Variants in DHX15 observed in about 807,000 individuals in gnomAD.
DHX15 encodes the protein ATP-dependent RNA helicase DHX15.
In DHX15, 11 loss-of-function variants were observed where a neutral mutation model predicts 94.4. That is an observed-to-expected ratio of 0.12 (90% CI 0.07 to 0.19). The LOEUF (loss-of-function observed/expected upper bound fraction) is 0.19. DHX15 is among the 10% of genes least tolerant of loss of function. The pLI, the probability that DHX15 is intolerant of heterozygous loss-of-function variation, is 1.00. For missense variants in DHX15, 304 were observed against 988.5 expected, an observed-to-expected ratio of 0.31 and a Z score of 9.29; for synonymous variants, 338 against 329.9, an observed-to-expected ratio of 1.02 and a Z score of -0.27.
At chr4:24,578,109 G>C (rs1016296444) in intron 1 of DHX15, among the ~76,000 whole-genome samples, 1 of 152,144 alleles carries the variant, frequency 6.6e-6, no homozygotes, top group African/African-American at 2.4e-5. Flanking sequence ...AAAAATCACA[G>C]AGCATACAAG....
chr4:24,552,682 T>C (rs892221738), intron 5 of DHX15, among the ~76,000 whole-genome samples: 4 of 152,188 alleles, frequency 2.6e-5, no homozygotes, highest in African/African-American at 9.7e-5. Flanking sequence ...ATACAACAAA[T>C]GAAATGTAAA....
At chr4:24,560,131 C>T (rs750883681) in intron 3 of DHX15, among the ~76,000 whole-genome samples, 2 of 152,072 alleles carry the variant, frequency 1.3e-5, no homozygotes, top group South Asian at 2.1e-4. Flanking sequence ...AGCAAGATGA[C>T]GACACCTAAC....
At chr4:24,584,041 C>G (rs1177411875) in intron 1 of DHX15, 2 of 478,434 alleles carry the variant, frequency 4.2e-6, no homozygotes, top group Non-Finnish European at 7.3e-6. Context: ...GCAAATGACT[C>G]CCGCTCGGTT....
At chr4:24,546,718 T>C (rs1472572511) in intron 6 of DHX15, among the ~76,000 whole-genome samples, 1 of 152,182 alleles carries the variant, frequency 6.6e-6, no homozygotes, top group Non-Finnish European at 1.5e-5. Context: ...AAATCTATTT[T>C]TCATAAACTA....
chr4:24,531,560 A>G (rs574058671), intron 12 of DHX15, among the ~76,000 whole-genome samples: 2 of 152,136 alleles, frequency 1.3e-5, no homozygotes, highest in Non-Finnish European at 2.9e-5. Flanking sequence ...ACACACAAAA[A>G]GGCAAAAATT....
At chr4:24,541,490 T>C (rs1721311005) in intron 8 of DHX15, among the ~76,000 whole-genome samples, 2 of 152,086 alleles carry the variant, frequency 1.3e-5, no homozygotes, top group Non-Finnish European at 2.9e-5. Flanking sequence ...GTGCTTCCTT[T>C]AAGTGAAACG....
intron 3 of DHX15, among the ~76,000 whole-genome samples, chr4:24,565,975 C>T (rs771031748): frequency 6.6e-6 from 1 of 151,980 alleles, no homozygotes; most frequent in Non-Finnish European, 1.5e-5. Context: ...GCTAGGACAA[C>T]TCAGACACTG....
At position 24,530,106 on chromosome 4, in the gene DHX15, G is replaced by C. The variant is rs1037219334; in HGVS notation, c.2101-336C>G. 46 of 365,516 alleles carry C rather than the reference G, an allele frequency of 1.3e-4. 1 individual carries two copies. Among genetic ancestry groups the C allele is most frequent in the African/African-American group, 6.8e-4 (32 of 47,040 alleles). The allele number at this position is 365,516 out of a possible 1,614,324, so 22.6% of individuals were successfully genotyped here. ...TAAGGAAAGTTTTATTAGAACACAG[G>C]CATGCCCATTTGTCTATACCTATTA... On this transcript the variant is annotated intron_variant, in intron 12 of 13. Transcript: ENST00000336812.
chr4:24,554,163 AG>A (rs1169301998), intron 5 of DHX15, among the ~76,000 whole-genome samples: 1 of 152,188 alleles, frequency 6.6e-6, no homozygotes, highest in Non-Finnish European at 1.5e-5. Flanking sequence ...GCTTGCGGTG[AG>A]CCAAGACTGC....
chr4:24,536,913 G>T, intron 11 of DHX15, 138 bp downstream of exon 11: 7 of 976,364 alleles, frequency 7.2e-6, no homozygotes, highest in Admixed American at 3.4e-5. Flanking sequence ...TTAAATGCTC[G>T]TCAGGAGTTT....
intron 2 of DHX15, 118 bp downstream of exon 2, chr4:24,576,125 G>T: frequency 2.6e-6 from 2 of 755,152 alleles, no homozygotes; most frequent in Non-Finnish European, 4.3e-6. Flanking sequence ...CATCAAATCA[G>T]CTATTCTTCA....
At chr4:24,572,922 T>C (rs6448282) in intron 2 of DHX15, among the ~76,000 whole-genome samples, 40,715 of 152,018 alleles carry the variant, frequency 0.27, 5,945 homozygotes, top group Non-Finnish European at 0.33. Flanking sequence ...TTTTGTTTTT[T>C]TCTTTTAAGA....
intron 11 of DHX15, among the ~76,000 whole-genome samples, chr4:24,536,056 CTTTAAA>C (rs1294553177): frequency 1.3e-5 from 2 of 151,716 alleles, no homozygotes; most frequent in African/African-American, 4.8e-5. Context: ...TTTTTTTCTC[CTTTAAA>C]TTTATTAAGG....
chr4:24,557,638 A>G (rs1002371683), intron 3 of DHX15, among the ~76,000 whole-genome samples: 5 of 152,180 alleles, frequency 3.3e-5, no homozygotes, highest in South Asian at 2.1e-4. Flanking sequence ...CATATTTTTA[A>G]AAATAAACTA....
chr4:24,582,479 T>C (rs1722437994), intron 1 of DHX15, among the ~76,000 whole-genome samples: 1 of 152,244 alleles, frequency 6.6e-6, no homozygotes, highest in African/African-American at 2.4e-5. Context: ...AATGAATTCA[T>C]TCATTCCCTC....
chr4:24,552,049 C>G (rs1009623950), intron 5 of DHX15, among the ~76,000 whole-genome samples: 3 of 152,184 alleles, frequency 2.0e-5, no homozygotes, highest in Admixed American at 6.5e-5. Flanking sequence ...AAGTCCTAAA[C>G]AGCTTTAAAA....
At chr4:24,583,899 G>A (rs749381242) in intron 1 of DHX15, among the ~76,000 whole-genome samples, 70 of 152,124 alleles carry the variant, frequency 4.6e-4, no homozygotes, top group African/African-American at 1.6e-3. Context: ...CGGCCCCTCT[G>A]GCTGGGAAGT....
intron 3 of DHX15, among the ~76,000 whole-genome samples, chr4:24,562,405 G>A (rs1353733552): frequency 6.6e-6 from 1 of 152,102 alleles, no homozygotes; most frequent in African/African-American, 2.4e-5. Flanking sequence ...AAACACAGAG[G>A]TTAAGAATAC....
rs574618006 is a variant in DHX15 at position 24,527,612 on chromosome 4, G to A, written c.*312C>T. 4 of 235,112 alleles carry A rather than the reference G, an allele frequency of 1.7e-5. No homozygotes were observed. The highest frequency in any genetic ancestry group is 1.0e-4 in the South Asian group (1 of 9,596). 14.6% of individuals were successfully genotyped at this position (235,112 alleles called of 1,614,324 possible). ...TACAACGATCATGCATACCATGGTC[G>A]ATAATCACATTTTAGAAGCATTTTC... On this transcript the variant is annotated 3_prime_UTR_variant, in exon 14 of 14. Coordinates refer to ENST00000336812, the MANE Select transcript of DHX15 (RefSeq NM_001358.3).
Sources: allele counts gnomAD v4.1 joint callset (sites outside exome capture counted in the v4.1 genomes callset), GRCh38; gene constraint gnomAD v4.1.1; transcripts MANE v1.5; gene names NCBI Gene and HGNC (gene_info 2026-07-23, HGNC 2026-07-21).